The following ZNF385B variants were observed in gnomAD, a reference collection of about 807,000 sequenced individuals.
ZNF385B encodes the protein zinc finger protein 385B.
A neutral mutation model predicts 39.2 loss-of-function variants in ZNF385B; 23 were observed. That is an observed-to-expected ratio of 0.59 (90% CI 0.42 to 0.83). The LOEUF is 0.83. Among genes scored for constraint, ZNF385B ranks in the 40% least tolerant of loss-of-function variants. ZNF385B has a pLI of 0.00. For synonymous variants in ZNF385B, 205 were observed against 222.6 expected (o/e 0.92, Z 0.70); for missense variants, 552 against 598.9 (o/e 0.92, Z 0.82).
intron 3 of ZNF385B, among the ~76,000 whole-genome samples, chr2:179,701,093 A>G (rs1699163553): frequency 6.6e-6 from 1 of 152,192 alleles, no homozygotes; most frequent in East Asian, 1.9e-4. Context: ...TTCAGAACTA[A>G]AAATCGTTAC....
chr2:179,515,140 A>G (rs545569356), intron 5 of ZNF385B, among the ~76,000 whole-genome samples: 1 of 152,224 alleles, frequency 6.6e-6, no homozygotes, highest in Non-Finnish European at 1.5e-5. Flanking sequence ...TTAATTTGAG[A>G]GATTCATAAT....
intron 1 of ZNF385B, among the ~76,000 whole-genome samples, chr2:179,843,470 C>T (rs73048581): frequency 0.046 from 6,979 of 152,280 alleles, 268 homozygotes; most frequent in African/African-American, 0.11. Flanking sequence ...TATATAGAAG[C>T]ATTACTACAC....
rs80289436 is a variant in ZNF385B, at chr2:179,595,040, A to C, written c.299-50071T>G. ...GTGATAATATGATAAAGCAAATTTTATGTAGGCATAAGATAAATGCCAATA... is the reference window on the plus strand; with the variant it reads ...GTGATAATATGATAAAGCAAATTTTCTGTAGGCATAAGATAAATGCCAATA... On this transcript the variant is annotated intron_variant, in intron 3 of 9. Transcript: ENST00000410066. Among the ~76,000 whole-genome samples the C allele has an allele frequency of 7.2e-5, 11 of 152,334 alleles. No homozygotes were observed. In the East Asian group the frequency reaches 2.1e-3, roughly 29 times the overall value.
At chr2:179,757,950 G>A (rs927400837) in intron 3 of ZNF385B, among the ~76,000 whole-genome samples, 1 of 152,108 alleles carries the variant, frequency 6.6e-6, no homozygotes, top group Non-Finnish European at 1.5e-5. Flanking sequence ...CTCACGCTCG[G>A]TGGGCTGCAC....
intron 3 of ZNF385B, among the ~76,000 whole-genome samples, chr2:179,576,719 T>G (rs1414642598): frequency 6.6e-6 from 1 of 152,190 alleles, no homozygotes; most frequent in Non-Finnish European, 1.5e-5. Context: ...TATAATGACT[T>G]CAGAGAAAAC....
intron 3 of ZNF385B, among the ~76,000 whole-genome samples, chr2:179,658,781 A>G (rs1018238891): frequency 6.6e-6 from 1 of 152,114 alleles, no homozygotes; most frequent in Non-Finnish European, 1.5e-5. Flanking sequence ...AAATAGTTAC[A>G]TTCTTATTTT....
At chr2:179,481,356 C>G (rs1018055212) in intron 6 of ZNF385B, among the ~76,000 whole-genome samples, 9 of 151,450 alleles carry the variant, frequency 5.9e-5, no homozygotes, top group Non-Finnish European at 7.4e-5. Context: ...CCGTATTGCT[C>G]TTTGCTTGGT....
chr2:179,573,004 TAGC>T (rs1685405498), intron 3 of ZNF385B, among the ~76,000 whole-genome samples: 1 of 152,198 alleles, frequency 6.6e-6, no homozygotes. Context: ...AATAATAAAG[TAGC>T]AGAATTTTCC....
intron 3 of ZNF385B, among the ~76,000 whole-genome samples, chr2:179,747,006 T>A (rs1702421072): frequency 6.6e-6 from 1 of 152,170 alleles, no homozygotes; most frequent in Admixed American, 6.6e-5. Flanking sequence ...TTCAATTTTT[T>A]AAAAAGGGTT....
intron 3 of ZNF385B, among the ~76,000 whole-genome samples, chr2:179,728,249 C>T (rs895975699): frequency 4.6e-5 from 7 of 152,258 alleles, no homozygotes; most frequent in African/African-American, 7.2e-5. Flanking sequence ...ATTTTCTTCT[C>T]TCTTTTTAAA....
rs187110864 is a variant in ZNF385B at position 179,501,094 on chromosome 2, T to C, written c.552+17434A>G. Among the ~76,000 whole-genome samples, 8 of 152,166 alleles carry C rather than the reference T, an allele frequency of 5.3e-5. No individual in the cohort carries two copies. The East Asian group carries it at 1.5e-3, about 29-fold the overall frequency. ...TTATATCCAAAAGACAGGCAATAAA[T>C]GCTGGTAAGGATGTAGAGAAAAGGG... On this transcript the variant is annotated intron_variant, in intron 5 of 9. Transcript: ENST00000410066.
intron 3 of ZNF385B, among the ~76,000 whole-genome samples, chr2:179,764,983 C>G (rs990315794): frequency 6.6e-6 from 1 of 152,174 alleles, no homozygotes; most frequent in African/African-American, 2.4e-5. Context: ...CAGACTAGAA[C>G]TATACCATCA....
chr2:179,641,955 C>A (rs1692303212), intron 3 of ZNF385B, among the ~76,000 whole-genome samples: 1 of 152,040 alleles, frequency 6.6e-6, no homozygotes, highest in South Asian at 2.1e-4. Flanking sequence ...CGTGTGGCTC[C>A]CTTAGCAGCA....
At chr2:179,694,531 G>C (rs1698574418) in intron 3 of ZNF385B, among the ~76,000 whole-genome samples, 2 of 152,222 alleles carry the variant, frequency 1.3e-5, no homozygotes, top group South Asian at 4.1e-4. Flanking sequence ...TGAGCATGTT[G>C]ACACATAGCC....
At chr2:179,652,767 G>A (rs944259498) in intron 3 of ZNF385B, among the ~76,000 whole-genome samples, 3 of 149,714 alleles carry the variant, frequency 2.0e-5, no homozygotes, top group Non-Finnish European at 4.4e-5. Flanking sequence ...GAATGACAAC[G>A]ATACATAATA....
intron 1 of ZNF385B, among the ~76,000 whole-genome samples, chr2:179,785,166 C>G (rs563289602): frequency 1.3e-5 from 2 of 152,016 alleles, no homozygotes; most frequent in South Asian, 2.1e-4. Context: ...ACATGTAAAA[C>G]AAATCAATGC....
intron 1 of ZNF385B, among the ~76,000 whole-genome samples, chr2:179,793,860 G>A (rs1435072883): frequency 6.6e-6 from 1 of 152,228 alleles, no homozygotes; most frequent in Non-Finnish European, 1.5e-5. Context: ...CAGGAGGTAG[G>A]AAGAAAGTAA....
At chr2:179,483,082 C>G (rs948558191) in intron 6 of ZNF385B, among the ~76,000 whole-genome samples, 190 bp downstream of exon 6, 8 of 151,592 alleles carry the variant, frequency 5.3e-5, no homozygotes, top group Admixed American at 5.3e-4. Context: ...TATTTAATAA[C>G]ATGGAATGGA....
intron 3 of ZNF385B, among the ~76,000 whole-genome samples, chr2:179,626,846 A>C (rs1690705968): frequency 6.6e-6 from 1 of 152,190 alleles, no homozygotes; most frequent in African/African-American, 2.4e-5. Context: ...TATTATTAAT[A>C]ATTCTGTTGA....
Sources: gnomAD v4.1 joint callset for allele counts (sites outside exome capture counted in the v4.1 genomes callset) on GRCh38, gnomAD v4.1.1 for gene constraint, MANE v1.5 for transcripts, NCBI Gene and HGNC (gene_info 2026-07-23, HGNC 2026-07-21) for gene names.